Variants in HECTD2 observed in about 807,000 individuals in gnomAD.
HECTD2 encodes HECT domain E3 ubiquitin protein ligase 2, also known as probable E3 ubiquitin-protein ligase HECTD2.
In HECTD2, 35 loss-of-function variants were observed where a neutral mutation model predicts 103.2. The observed-to-expected ratio is 0.34, with a 90% CI of 0.26 to 0.45. HECTD2 has a LOEUF of 0.45. Ranked by LOEUF, HECTD2 falls within the 20% of genes least tolerant of loss-of-function variation. The pLI, the probability that HECTD2 is intolerant of heterozygous loss-of-function variation, is 1.00. For synonymous variants in HECTD2, 281 were observed against 329.9 expected, an observed-to-expected ratio of 0.85 and a Z score of 1.61; for missense variants, 596 against 937.4, an observed-to-expected ratio of 0.64 and a Z score of 4.76.
intron 12 of HECTD2, among the ~76,000 whole-genome samples, 185 bp downstream of exon 12, chr10:91,491,492 A>C (rs1488796785): frequency 1.3e-5 from 2 of 152,184 alleles, no homozygotes; most frequent in East Asian, 3.8e-4. Context: ...TCAGATCTGT[A>C]TTCATAATTG....
At chr10:91,474,877 A>G (rs560733837) in intron 5 of HECTD2, among the ~76,000 whole-genome samples, 7 of 152,310 alleles carry the variant, frequency 4.6e-5, no homozygotes, top group East Asian at 1.9e-4. Flanking sequence ...TAAGGCAACA[A>G]TTGAGGTCTT....
At chr10:91,459,518 C>T (rs1224149840) in intron 2 of HECTD2, among the ~76,000 whole-genome samples, 1 of 152,026 alleles carries the variant, frequency 6.6e-6, no homozygotes, top group Non-Finnish European at 1.5e-5. Context: ...GTATATGCAA[C>T]AACTTGGATG....
At chr10:91,509,804 TA>T (rs1847350237) in intron 20 of HECTD2, among the ~76,000 whole-genome samples, 1 of 152,042 alleles carries the variant, frequency 6.6e-6, no homozygotes, top group Non-Finnish European at 1.5e-5. Context: ...AGGGTAAAGA[TA>T]AAAGAAACTG....
At chr10:91,448,831 A>T (rs536369611) in intron 2 of HECTD2, among the ~76,000 whole-genome samples, 355 of 32,590 alleles carry the variant, frequency 0.011, 2 homozygotes, top group Non-Finnish European at 0.016. Context: ...AACCAGGAAG[A>T]AGTCGAATCT....
chr10:91,440,445 T>G (rs986388612), intron 2 of HECTD2, among the ~76,000 whole-genome samples: 4 of 152,306 alleles, frequency 2.6e-5, no homozygotes, highest in Non-Finnish European at 5.9e-5. Context: ...TTGTGGTGGA[T>G]AAGCTTTTTG....
chr10:91,488,585 T>C (rs947778077), intron 11 of HECTD2: 4 of 152,150 alleles, frequency 2.6e-5, no homozygotes, highest in East Asian at 3.9e-4. Context: ...AAAAGGAATA[T>C]AGAGTAAAAA....
chr10:91,427,300 G>T (rs1393014131), intron 2 of HECTD2, among the ~76,000 whole-genome samples: 2 of 151,780 alleles, frequency 1.3e-5, no homozygotes, highest in African/African-American at 4.8e-5. Flanking sequence ...GAATAGTGCC[G>T]CAGTAAACAT....
At chr10:91,431,245 A>G (rs2133065922) in intron 2 of HECTD2, among the ~76,000 whole-genome samples, 1 of 151,942 alleles carries the variant, frequency 6.6e-6, no homozygotes. Context: ...CTGCCGAGAG[A>G]TCTGCTGTTA....
chr10:91,506,257 A>G (rs1187959741), intron 20 of HECTD2, among the ~76,000 whole-genome samples: 1 of 151,918 alleles, frequency 6.6e-6, no homozygotes, highest in African/African-American at 2.4e-5. Flanking sequence ...AGCAGAAGGC[A>G]AGAAATAACT....
At chr10:91,426,105 G>A (rs987954482) in intron 2 of HECTD2, among the ~76,000 whole-genome samples, 1 of 151,996 alleles carries the variant, frequency 6.6e-6, no homozygotes, top group African/African-American at 2.4e-5. Context: ...GGTAGAATAT[G>A]AATCCAACGT....
chr10:91,509,133 G>T (rs2133387640), intron 20 of HECTD2, among the ~76,000 whole-genome samples: 1 of 117,210 alleles, frequency 8.5e-6, no homozygotes, highest in Non-Finnish European at 1.7e-5. Context: ...GTGGGGTGGG[G>T]GGAGGGGGGA....
intron 13 of HECTD2, 79 bp from the exon 14 acceptor site, chr10:91,493,341 G>C (rs996124399): frequency 8.1e-6 from 5 of 619,930 alleles, no homozygotes; most frequent in Non-Finnish European, 8.0e-6. Flanking sequence ...TAATAGATGA[G>C]ATGTCATGTA....
intron 20 of HECTD2, among the ~76,000 whole-genome samples, chr10:91,507,835 CA>C (rs1847254137): frequency 8.1e-6 from 1 of 122,758 alleles, no homozygotes; most frequent in Non-Finnish European, 1.6e-5. Context: ...GCCAAAAGAA[CA>C]AAGCTGGAGG....
chr10:91,474,320 C>T (rs1363281999), intron 5 of HECTD2, among the ~76,000 whole-genome samples: 3 of 152,168 alleles, frequency 2.0e-5, no homozygotes, highest in Non-Finnish European at 2.9e-5. Context: ...GCACTAAACT[C>T]ACTGGTTAGA....
At chr10:91,436,141 C>T (rs1844107833) in intron 2 of HECTD2, among the ~76,000 whole-genome samples, 1 of 151,660 alleles carries the variant, frequency 6.6e-6, no homozygotes, top group Non-Finnish European at 1.5e-5. Context: ...TTCCACGTTG[C>T]TTTTGTCTGT....
At chr10:91,497,232 T>C (rs1271159318) in intron 15 of HECTD2, among the ~76,000 whole-genome samples, 1 of 136,376 alleles carries the variant, frequency 7.3e-6, no homozygotes, top group Non-Finnish European at 1.5e-5. Context: ...TGCCTCAGCC[T>C]CCCAAAGTGC....
intron 1 of HECTD2, among the ~76,000 whole-genome samples, chr10:91,418,683 C>T (rs890067303): frequency 1.3e-5 from 2 of 151,854 alleles, no homozygotes; most frequent in African/African-American, 4.8e-5. Flanking sequence ...AAAAACCATA[C>T]AAAAAGAGAA....
chr10:91,503,512 T>C (rs1464048647), intron 20 of HECTD2, among the ~76,000 whole-genome samples: 1 of 151,964 alleles, frequency 6.6e-6, no homozygotes, highest in Non-Finnish European at 1.5e-5. Context: ...AAGAAAGGGG[T>C]GACGGACAGC....
At chr10:91,435,089 T>C (rs1844058778) in intron 2 of HECTD2, among the ~76,000 whole-genome samples, 1 of 151,902 alleles carries the variant, frequency 6.6e-6, no homozygotes, top group African/African-American at 2.4e-5. Flanking sequence ...ATAATCAACA[T>C]TTTATACATT....
Sources: allele counts gnomAD v4.1 joint callset (sites outside exome capture counted in the v4.1 genomes callset), GRCh38; gene constraint gnomAD v4.1.1; transcripts MANE v1.5; gene names NCBI Gene and HGNC (gene_info 2026-07-23, HGNC 2026-07-21).